Variants in CCNYL1 observed in about 807,000 individuals in gnomAD.
CCNYL1 encodes cyclin-Y-like protein 1.
In CCNYL1, 16 loss-of-function variants were observed where a neutral mutation model predicts 44.2. The ratio of observed to expected loss-of-function variants is 0.36; its 90% CI spans 0.25 to 0.55. The LOEUF (loss-of-function observed/expected upper bound fraction) is 0.55, where lower values mean the gene tolerates loss of function less well. CCNYL1 is among the 20% of genes least tolerant of loss of function. The pLI, the probability that CCNYL1 is intolerant of heterozygous loss-of-function variation, is 0.85. For synonymous variants in CCNYL1, 159 were observed against 163.2 expected (o/e 0.97, Z 0.20); for missense variants, 348 against 451.8 (o/e 0.77, Z 2.08).
intron 8 of CCNYL1, 172 bp from the exon 9 acceptor site, chr2:207,750,785 G>A: frequency 3.6e-6 from 2 of 559,092 alleles, no homozygotes; most frequent in South Asian, 3.0e-5. Context: ...ATGCAGAAGG[G>A]ACCACAAGTA....
chr2:207,752,762 C>T (rs578137802), intron 9 of CCNYL1, among the ~76,000 whole-genome samples: 2 of 152,094 alleles, frequency 1.3e-5, no homozygotes, highest in Admixed American at 1.3e-4. Context: ...GAGAGTGGCT[C>T]ATGCCTCAGA....
intron 9 of CCNYL1, 68 bp downstream of exon 9, chr2:207,751,187 A>G: frequency 7.3e-7 from 1 of 1,375,864 alleles, no homozygotes; most frequent in East Asian, 2.3e-5. Flanking sequence ...TGACTAAATC[A>G]TATTAAGTAG....
At chr2:207,748,326 A>T (rs976640821) in intron 8 of CCNYL1, among the ~76,000 whole-genome samples, 6 of 152,156 alleles carry the variant, frequency 3.9e-5, no homozygotes, top group African/African-American at 1.4e-4. Context: ...CCACAGCACC[A>T]CTTTGGGGGC....
chr2:207,742,362 T>C lies in CCNYL1; in HGVS notation c.639+20T>C, dbSNP rs765278741. 3 of 1,603,144 alleles carry C rather than the reference T, an allele frequency of 1.9e-6. No homozygotes were observed. Among genetic ancestry groups the C allele is most frequent in the Admixed American group, 1.7e-5 (1 of 57,476 alleles). ...ACTTTGGTAAGATATTTCTCATTTATAAAGTGTCTTTAGAAATTAGTCTTG... is the reference window on the plus strand; with the variant it reads ...ACTTTGGTAAGATATTTCTCATTTACAAAGTGTCTTTAGAAATTAGTCTTG... On this transcript the variant is annotated intron_variant, in intron 7 of 9. Transcript: ENST00000295414.
chr2:207,741,899 C>G (rs1258390014), intron 6 of CCNYL1, among the ~76,000 whole-genome samples: 2 of 150,420 alleles, frequency 1.3e-5, no homozygotes, highest in Admixed American at 1.3e-4. Flanking sequence ...GCGTGTAATC[C>G]CAGCACTTTG....
chr2:207,733,029 T>G (rs994912070), intron 3 of CCNYL1, among the ~76,000 whole-genome samples: 1 of 152,192 alleles, frequency 6.6e-6, no homozygotes, highest in Non-Finnish European at 1.5e-5. Flanking sequence ...CACAAGCAGT[T>G]GGTATCATGT....
chr2:207,715,710 C>G, intron 1 of CCNYL1, among the ~76,000 whole-genome samples: 1 of 130,692 alleles, frequency 7.7e-6, no homozygotes. Flanking sequence ...GAGTTTCGCT[C>G]TTGTTGCTCA....
chr2:207,722,214 A>G (rs1318545509), intron 1 of CCNYL1, among the ~76,000 whole-genome samples: 1 of 151,592 alleles, frequency 6.6e-6, no homozygotes, highest in Non-Finnish European at 1.5e-5. Context: ...CTGGGACTAG[A>G]GGTGCACGCC....
At position 207,711,816 on chromosome 2, in the gene CCNYL1, T is replaced by G; in HGVS notation, c.-81T>G. The G allele has an allele frequency of 3.8e-5, 36 of 937,444 alleles. No individual in the cohort carries two copies. Among genetic ancestry groups the G allele is most frequent in the Non-Finnish European group, 4.9e-5 (34 of 693,752 alleles). The allele number at this position is 937,444 out of a possible 1,614,324, so 58.1% of individuals were successfully genotyped here. ...GGGCTGCCGGTGCCGGCCGCGCCATTGTTGGGGGAGGGGGCGGCTGTTGAG... is the reference window on the plus strand; with the variant it reads ...GGGCTGCCGGTGCCGGCCGCGCCATGGTTGGGGGAGGGGGCGGCTGTTGAG... On this transcript the variant is annotated 5_prime_UTR_variant, in exon 1 of 10. It adds an upstream start codon to the 5' untranslated region. Coordinates refer to ENST00000295414, the MANE Select transcript of CCNYL1 (RefSeq NM_001330218.2).
intron 1 of CCNYL1, among the ~76,000 whole-genome samples, chr2:207,713,035 C>CT (rs776117062): frequency 3.9e-5 from 6 of 152,128 alleles, no homozygotes; most frequent in Admixed American, 1.3e-4. Flanking sequence ...AGGCTGGTCT[C>CT]TAACTCCAGA....
chr2:207,748,237 C>T (rs1292671417), intron 8 of CCNYL1, among the ~76,000 whole-genome samples: 7 of 152,288 alleles, frequency 4.6e-5, no homozygotes, highest in Middle Eastern at 6.8e-3. Context: ...CAGCGTTCCC[C>T]TCAGGCGGTC....
At chr2:207,720,216 G>A (rs994328008) in intron 1 of CCNYL1, among the ~76,000 whole-genome samples, 1 of 148,960 alleles carries the variant, frequency 6.7e-6, no homozygotes, top group African/African-American at 2.5e-5. Context: ...AAAAGGCTTG[G>A]TAGATCAAGA....
rs201844454 is a variant in CCNYL1, at chr2:207,714,667, G to GATGATGATAA, written c.220+2553_220+2562dup. On this transcript the variant is annotated intron_variant, in intron 1 of 9. Transcript: ENST00000295414. ...GTAAGGTACCAGGCATTAAGCATGG[G>GATGATGATAA]ATGATGATAAAGAGTGCTAAATCAG... 656 of 168,032 alleles carry GATGATGATAA rather than the reference G, an allele frequency of 3.9e-3. 4 individuals carry two copies. Among genetic ancestry groups the GATGATGATAA allele is most frequent in the African/African-American group, 0.015 (608 of 41,644 alleles). 10.4% of individuals were successfully genotyped at this position (168,032 alleles called of 1,614,324 possible).
chr2:207,737,568 A>C (rs935633144), intron 5 of CCNYL1, 122 bp downstream of exon 5: 1 of 694,610 alleles, frequency 1.4e-6, no homozygotes, highest in African/African-American at 1.9e-5. Flanking sequence ...TATTGAACTG[A>C]ATCATTTGTG....
At chr2:207,742,454 A>G in intron 7 of CCNYL1, 112 bp downstream of exon 7, 4 of 986,434 alleles carry the variant, frequency 4.1e-6, no homozygotes, top group Admixed American at 2.6e-5. Context: ...GAACTTTAAG[A>G]GAAACCTATG....
intron 3 of CCNYL1, among the ~76,000 whole-genome samples, chr2:207,733,177 G>A (rs1237756422): frequency 6.6e-6 from 1 of 152,216 alleles, no homozygotes; most frequent in Non-Finnish European, 1.5e-5. Context: ...TCCAGGCAGA[G>A]CAGCATGAGT....
intron 7 of CCNYL1, among the ~76,000 whole-genome samples, chr2:207,745,401 G>C (rs987079334): frequency 6.6e-6 from 1 of 152,162 alleles, no homozygotes; most frequent in Non-Finnish European, 1.5e-5. Flanking sequence ...CACATCACCA[G>C]CTTACCCGTA....
chr2:207,753,559 C>T (rs1470300251), intron 9 of CCNYL1, 29 bp from the exon 10 acceptor site: 22 of 1,460,074 alleles, frequency 1.5e-5, no homozygotes, highest in Non-Finnish European at 2.0e-5. Context: ...TAAAATTGTA[C>T]CTGTTTTCTA....
rs2091550170 is a variant in CCNYL1 at position 207,711,810 on chromosome 2, C to G, written c.-87C>G. 3 of 931,702 alleles carry G rather than the reference C, an allele frequency of 3.2e-6. No homozygotes were observed. Among genetic ancestry groups the G allele is most frequent in the Non-Finnish European group, 4.4e-6 (3 of 686,142 alleles). The allele number at this position is 931,702 out of a possible 1,614,324, so 57.7% of individuals were successfully genotyped here. A position where few individuals can be genotyped will look rare whatever the true frequency, so the allele number is the denominator to read the frequency against. On this transcript the variant is annotated 5_prime_UTR_variant, in exon 1 of 10. Transcript: ENST00000295414. ...AGCCCGGGGCTGCCGGTGCCGGCCG[C>G]GCCATTGTTGGGGGAGGGGGCGGCT...
Sources: gnomAD v4.1 joint callset for allele counts (sites outside exome capture counted in the v4.1 genomes callset) on GRCh38, gnomAD v4.1.1 for gene constraint, MANE v1.5 for transcripts, NCBI Gene and HGNC (gene_info 2026-07-23, HGNC 2026-07-21) for gene names.